Variants in KALRN observed in about 807,000 individuals in gnomAD.
KALRN encodes kalirin RhoGEF kinase.
KALRN carries 70 observed loss-of-function variants against 353.7 expected under a neutral mutation model. That is an observed-to-expected ratio of 0.20 (90% CI 0.16 to 0.24). KALRN has a LOEUF of 0.24. Among genes scored for constraint, KALRN ranks in the 10% least tolerant of loss-of-function variants. KALRN has a pLI of 1.00. For synonymous variants in KALRN, 1,391 were observed against 1,434.8 expected, an observed-to-expected ratio of 0.97 and a Z score of 0.69; for missense variants, 2,791 against 3,756.7, an observed-to-expected ratio of 0.74 and a Z score of 6.72.
At chr3:124,500,957 T>C (rs2064451939) in intron 33 of KALRN, among the ~76,000 whole-genome samples, 1 of 139,328 alleles carries the variant, frequency 7.2e-6, no homozygotes, top group African/African-American at 2.7e-5. Context: ...AAATATCTTC[T>C]TGTTTAACCT....
At chr3:124,159,500 G>A (rs989323008) in intron 1 of KALRN, among the ~76,000 whole-genome samples, 32 of 151,444 alleles carry the variant, frequency 2.1e-4, no homozygotes, top group African/African-American at 7.8e-4. Context: ...TTGAACTCAT[G>A]AGCTCCAGTG....
intron 1 of KALRN, among the ~76,000 whole-genome samples, chr3:124,105,414 A>G (rs753337513): frequency 2.0e-5 from 3 of 152,324 alleles, no homozygotes; most frequent in African/African-American, 7.2e-5. Flanking sequence ...TTTGCCAAGA[A>G]GTGATGGTGA....
At chr3:124,125,875 T>A (rs2064596923) in intron 1 of KALRN, among the ~76,000 whole-genome samples, 1 of 152,188 alleles carries the variant, frequency 6.6e-6, no homozygotes, top group Non-Finnish European at 1.5e-5. Flanking sequence ...TGGGCTGTCC[T>A]GATTAGGTGT....
intron 10 of KALRN, among the ~76,000 whole-genome samples, chr3:124,382,413 A>G (rs1310734417): frequency 6.6e-6 from 1 of 152,170 alleles, no homozygotes; most frequent in Non-Finnish European, 1.5e-5. Flanking sequence ...GACAAAATAC[A>G]TTATATATTT....
At chr3:124,079,552 A>T (rs981469504) in intron 1 of KALRN, among the ~76,000 whole-genome samples, 16 of 152,138 alleles carry the variant, frequency 1.1e-4, no homozygotes, top group Admixed American at 1.0e-3. Flanking sequence ...AGAGTATACC[A>T]CCTGTGGGAT....
chr3:124,140,794 C>T (rs572861621), intron 1 of KALRN, among the ~76,000 whole-genome samples: 22 of 151,810 alleles, frequency 1.4e-4, no homozygotes, highest in Non-Finnish European at 2.9e-4. Context: ...CTTGCCCTCC[C>T]GGGGGGGGCA....
chr3:124,209,492 C>CAA (rs5852396), intron 1 of KALRN, among the ~76,000 whole-genome samples: 3,510 of 69,512 alleles, frequency 0.05, 243 homozygotes, highest in Middle Eastern at 0.066. Flanking sequence ...CACTCTGTCT[C>CAA]AAAAAAAAAA....
chr3:124,337,751 C>T (rs1477677052), intron 9 of KALRN, among the ~76,000 whole-genome samples: 5 of 152,104 alleles, frequency 3.3e-5, no homozygotes, highest in East Asian at 3.9e-4. Context: ...TGTTAGAATT[C>T]GGCTGTGAAT....
intron 45 of KALRN, among the ~76,000 whole-genome samples, chr3:124,665,064 C>G (rs2085445108): frequency 6.6e-6 from 1 of 152,134 alleles, no homozygotes; most frequent in Non-Finnish European, 1.5e-5. Context: ...ATGATCCAGG[C>G]AGAGGGCAGG....
chr3:124,622,561 T>C (rs1225853670), intron 34 of KALRN, among the ~76,000 whole-genome samples: 1 of 152,222 alleles, frequency 6.6e-6, no homozygotes, highest in African/African-American at 2.4e-5. Flanking sequence ...ATATTTGTGA[T>C]GCCCGCAATC....
intron 11 of KALRN, among the ~76,000 whole-genome samples, chr3:124,392,990 G>C (rs1437099900): frequency 1.9e-5 from 2 of 105,142 alleles, no homozygotes; most frequent in African/African-American, 7.7e-5. Context: ...TCCGGAGACA[G>C]AGTCTTGCTC....
rs569490172 is a variant in KALRN at position 124,555,753 on chromosome 3, G to A, written c.4936-7090G>A. On this transcript the variant is annotated intron_variant, in intron 33 of 59. Transcript: ENST00000682506. Reference sequence around the variant, plus strand: ...TAATTCATGGAATTTATTCACTCGCGCATTCAACAGATATTTATCACCTGC... The same window carrying A: ...TAATTCATGGAATTTATTCACTCGCACATTCAACAGATATTTATCACCTGC... Among the ~76,000 whole-genome samples, 13 of 152,218 alleles carry A rather than the reference G, an allele frequency of 8.5e-5. No individual in the cohort carries two copies. The South Asian group carries it at 1.0e-3, about 12-fold the overall frequency.
intron 3 of KALRN, among the ~76,000 whole-genome samples, chr3:124,260,497 A>G (rs186398666): frequency 6.6e-6 from 1 of 152,194 alleles, no homozygotes; most frequent in Non-Finnish European, 1.5e-5. Flanking sequence ...GCCACCCCTC[A>G]GGCTTAGGGG....
intron 18 of KALRN, among the ~76,000 whole-genome samples, chr3:124,439,927 A>C (rs1265959764): frequency 6.6e-6 from 1 of 152,242 alleles, no homozygotes; most frequent in Non-Finnish European, 1.5e-5. Flanking sequence ...GTTTCTGGGA[A>C]TAGAAGAGAC....
intron 33 of KALRN, chr3:124,519,865 A>T: frequency 1.0e-6 from 1 of 985,396 alleles, no homozygotes; most frequent in Non-Finnish European, 1.2e-6. Context: ...GTTGATATAC[A>T]GTGATTTATA....
At chr3:124,331,255 C>A (rs1049449097) in intron 8 of KALRN, among the ~76,000 whole-genome samples, 2 of 152,142 alleles carry the variant, frequency 1.3e-5, no homozygotes, top group African/African-American at 4.8e-5. Flanking sequence ...TATAAATACA[C>A]CATGGAATAC....
At chr3:124,385,173 C>A in intron 11 of KALRN, 137 bp downstream of exon 11, 1 of 658,754 alleles carries the variant, frequency 1.5e-6, no homozygotes, top group Non-Finnish European at 2.4e-6. Context: ...GTAATATTAA[C>A]AATTCATTCC....
chr3:124,655,801 A>G, intron 39 of KALRN, 134 bp downstream of exon 39: 1 of 673,046 alleles, frequency 1.5e-6, no homozygotes, highest in Non-Finnish European at 2.7e-6. Flanking sequence ...GAAAATAAAA[A>G]TGGTAATAAG....
chr3:124,717,225 G>C, intron 58 of KALRN, 22 bp from the exon 59 acceptor site: 1 of 1,574,518 alleles, frequency 6.4e-7, no homozygotes, highest in Non-Finnish European at 8.6e-7. Context: ...TATTTCCTTT[G>C]CCTTTCCCTG....
Sources: allele counts gnomAD v4.1 joint callset (sites outside exome capture counted in the v4.1 genomes callset), GRCh38; gene constraint gnomAD v4.1.1; transcripts MANE v1.5; gene names NCBI Gene and HGNC (gene_info 2026-07-23, HGNC 2026-07-21).